Variants in TLE4 observed in about 807,000 individuals in gnomAD.
The protein encoded by TLE4 is transducin-like enhancer protein 4.
In TLE4, 8 loss-of-function variants were observed where a neutral mutation model predicts 92.8. The ratio of observed to expected loss-of-function variants is 0.09; its 90% CI spans 0.05 to 0.16. The LOEUF is 0.16. TLE4 is among the 10% of genes least tolerant of loss of function. The pLI is 1.00. For synonymous variants in TLE4, 371 were observed against 374.1 expected, an observed-to-expected ratio of 0.99 and a Z score of 0.10; for missense variants, 675 against 997.6, an observed-to-expected ratio of 0.68 and a Z score of 4.36.
chr9:79,579,275 G>T (rs2038936733), intron 4 of TLE4, among the ~76,000 whole-genome samples: 1 of 152,278 alleles, frequency 6.6e-6, no homozygotes, highest in Non-Finnish European at 1.5e-5. Flanking sequence ...ATGGCACAGT[G>T]GGGTGATGCA....
chr9:79,573,406 G>A (rs1214724197), intron 1 of TLE4: 2 of 1,202,278 alleles, frequency 1.7e-6, no homozygotes. Context: ...CGGGTCCCTG[G>A]GTGCCTGTCT....
chr9:79,665,718 C>T (rs1467777205), intron 8 of TLE4, among the ~76,000 whole-genome samples: 5 of 152,058 alleles, frequency 3.3e-5, no homozygotes, highest in African/African-American at 1.2e-4. Context: ...AACTACAGAG[C>T]TAAAATATTT....
At chr9:79,630,472 C>T (rs952349988) in intron 6 of TLE4, among the ~76,000 whole-genome samples, 8 of 152,240 alleles carry the variant, frequency 5.3e-5, no homozygotes, top group African/African-American at 1.4e-4. Flanking sequence ...GGTTTCCCAT[C>T]GTTGATATTT....
At chr9:79,664,235 C>G (rs1404096802) in intron 8 of TLE4, among the ~76,000 whole-genome samples, 2 of 152,206 alleles carry the variant, frequency 1.3e-5, no homozygotes, top group Non-Finnish European at 2.9e-5. Flanking sequence ...ACAGCACTCT[C>G]AGCGGGATGT....
At chr9:79,630,526 C>A (rs184783288) in intron 6 of TLE4, among the ~76,000 whole-genome samples, 5 of 152,278 alleles carry the variant, frequency 3.3e-5, no homozygotes, top group Admixed American at 1.3e-4. Context: ...TTCCTTCAGG[C>A]CTTCCCCAAG....
At chr9:79,715,186 T>C (rs2074244517) in intron 14 of TLE4, among the ~76,000 whole-genome samples, 1 of 152,330 alleles carries the variant, frequency 6.6e-6, no homozygotes, top group East Asian at 1.9e-4. Flanking sequence ...ATTTGAAATC[T>C]CAGTGCTCTT....
intron 1 of TLE4, 122 bp downstream of exon 1, chr9:79,572,957 C>T: frequency 1.8e-6 from 2 of 1,092,206 alleles, no homozygotes; most frequent in Non-Finnish European, 2.5e-6. Flanking sequence ...AATCGGCGCC[C>T]CGCGCCGGGA....
At chr9:79,724,849 TA>T (rs947971071) in intron 19 of TLE4, among the ~76,000 whole-genome samples, 187 bp from the exon 20 acceptor site, 436 of 25,854 alleles carry the variant, frequency 0.017, 1 homozygote, top group East Asian at 0.037. Context: ...CCTGTCTTAT[TA>T]AAAAAAAAAA....
chr9:79,653,376 C>G (rs984333551), intron 7 of TLE4, among the ~76,000 whole-genome samples: 1 of 152,214 alleles, frequency 6.6e-6, no homozygotes, highest in Non-Finnish European at 1.5e-5. Context: ...AGAAGACCAA[C>G]ATAATTGTTT....
chr9:79,645,137 A>T (rs1292524600), intron 6 of TLE4, among the ~76,000 whole-genome samples: 3 of 152,174 alleles, frequency 2.0e-5, no homozygotes, highest in Non-Finnish European at 2.9e-5. Context: ...GATCCCTTCA[A>T]TTTGGCTCAT....
chr9:79,706,401 T>C (rs2071574925), intron 10 of TLE4, among the ~76,000 whole-genome samples: 1 of 152,072 alleles, frequency 6.6e-6, no homozygotes, highest in Non-Finnish European at 1.5e-5. Context: ...TCTTTTTTTT[T>C]TTCATTGTTC....
chr9:79,576,173 A>G lies in TLE4; in HGVS notation c.248A>G (p.Lys83Arg). Residue 83 changes from lysine (K) to arginine (R), a missense_variant, in exon 4 of 20, where the codon AAG (lysine) becomes AGG (arginine). Coordinates refer to ENST00000376552, the MANE Select transcript of TLE4 (RefSeq NM_007005.6). ...MSYGLNIEMH[K>R]QAEIVKRLNA... ...TATGGGTTGAATATAGAAATGCACA[A>G]GCAGGTAAGTTATTTCTTTATAACC... The G allele has an allele frequency of 6.5e-7, 1 of 1,537,510 alleles. No homozygotes were observed. The highest frequency in any genetic ancestry group is 8.8e-7 in the Non-Finnish European group (1 of 1,135,316).
At chr9:79,611,430 G>A (rs2048343479) in intron 4 of TLE4, among the ~76,000 whole-genome samples, 1 of 151,982 alleles carries the variant, frequency 6.6e-6, no homozygotes, top group Non-Finnish European at 1.5e-5. Flanking sequence ...TTAAGGTGCT[G>A]GCATTTAAAA....
intron 8 of TLE4, among the ~76,000 whole-genome samples, chr9:79,680,415 T>C (rs2064261667): frequency 1.3e-5 from 2 of 152,216 alleles, no homozygotes; most frequent in Admixed American, 1.3e-4. Flanking sequence ...ACTCATGATT[T>C]GGCTCTCTGT....
intron 6 of TLE4, among the ~76,000 whole-genome samples, chr9:79,630,633 T>A (rs1403440277): frequency 1.3e-5 from 2 of 152,012 alleles, no homozygotes; most frequent in East Asian, 3.9e-4. Flanking sequence ...CTCTGCGAGA[T>A]CACACTGTTG....
chr9:79,575,069 T>C lies in TLE4; in HGVS notation c.207+133T>C, dbSNP rs909559989. Reference sequence around the variant, plus strand: ...CAGTGCAGTTGAAGTTGTGGGAATATGTCTATTAGCAACCTGTAATTCTAG... The same window carrying C: ...CAGTGCAGTTGAAGTTGTGGGAATACGTCTATTAGCAACCTGTAATTCTAG... On this transcript the variant is annotated intron_variant, in intron 3 of 19. Transcript: ENST00000376552. The C allele has an allele frequency of 6.0e-5, 38 of 635,398 alleles. No individual in the cohort carries two copies. In the East Asian group the frequency reaches 1.1e-3, roughly 18 times the overall value. 39.4% of individuals were successfully genotyped at this position (635,398 alleles called of 1,614,324 possible).
At chr9:79,713,115 C>T (rs2073736040) in intron 14 of TLE4, among the ~76,000 whole-genome samples, 1 of 152,136 alleles carries the variant, frequency 6.6e-6, no homozygotes, top group Non-Finnish European at 1.5e-5. Context: ...TCATTGTGAC[C>T]TCAAGGTCGA....
At chr9:79,610,915 CA>C (rs1178722587) in intron 4 of TLE4, among the ~76,000 whole-genome samples, 1 of 151,854 alleles carries the variant, frequency 6.6e-6, no homozygotes, top group Non-Finnish European at 1.5e-5. Context: ...GCCCTCCTAG[CA>C]AGGGACTATT....
chr9:79,682,231 G>GT (rs199981970), intron 8 of TLE4, among the ~76,000 whole-genome samples: 2 of 151,780 alleles, frequency 1.3e-5, no homozygotes, highest in African/African-American at 2.4e-5. Flanking sequence ...AAACTGAAAG[G>GT]TTTTTTTTGC....
Sources: allele counts gnomAD v4.1 joint callset (sites outside exome capture counted in the v4.1 genomes callset), GRCh38; gene constraint gnomAD v4.1.1; transcripts MANE v1.5; gene names NCBI Gene and HGNC (gene_info 2026-07-23, HGNC 2026-07-21).